Variants in RETSAT observed in about 807,000 individuals in gnomAD.
RETSAT encodes all-trans-retinol 13,14-reductase.
Under a neutral mutation model 61.6 loss-of-function variants are expected in RETSAT, and 35 were observed. That is an observed-to-expected ratio of 0.57 (90% confidence interval 0.43 to 0.75). The LOEUF (loss-of-function observed/expected upper bound fraction) is 0.75. Ranked by LOEUF, RETSAT falls within the 30% of genes least tolerant of loss-of-function variation. The pLI, the probability that RETSAT is intolerant of heterozygous loss-of-function variation, is 0.00. For synonymous variants in RETSAT, 277 were observed against 310.4 expected (o/e 0.89, Z 1.13); for missense variants, 670 against 759.5 (o/e 0.88, Z 1.38).
At chr2:85,351,641 T>A in intron 2 of RETSAT, 39 bp downstream of exon 2, 1 of 1,589,302 alleles carries the variant, frequency 6.3e-7, no homozygotes, top group Non-Finnish European at 8.6e-7. Flanking sequence ...CTCTTCAACA[T>A]ACAGCCATGC....
chr2:85,350,183 A>G lies in RETSAT; in HGVS notation c.656T>C (p.Val219Ala), dbSNP rs1181665445. 6.2e-7 allele frequency: 1 copy of G among 1,614,014 alleles called. No homozygotes were observed. The highest frequency in any genetic ancestry group is 1.3e-5 in the African/African-American group (1 of 75,010). The change falls in exon 4 of 11, where the codon GTT becomes GCT. Residue 219 changes from valine to alanine, a missense_variant. Transcript: ENST00000295802. Reference protein sequence around the residue: ...ILLKFLPLPVVQLLDRCGLLT... With the variant: ...ILLKFLPLPVAQLLDRCGLLT... ...CAGCCCACACCTGTCGAGGAGCTGA[A>G]CCACGGGCAATGGGAGGAATTTCAA... is the stretch of plus-strand genomic sequence containing the variant.
chr2:85,351,324 G>A lies in RETSAT; in HGVS notation c.356-303C>T, dbSNP rs902060596. 9.6e-5 allele frequency: 44 copies of A among 458,562 alleles called. 1 individual carries two copies. Among genetic ancestry groups the A allele is most frequent in the South Asian group, 1.8e-4 (7 of 39,284 alleles). 28.4% of individuals were successfully genotyped at this position (458,562 alleles called of 1,614,324 possible). On this transcript the variant is annotated intron_variant, in intron 2 of 10. Coordinates refer to ENST00000295802, the MANE Select transcript of RETSAT (RefSeq NM_017750.4). The stretch of plus-strand genomic sequence containing the variant: ...GTGGATCACTTGAGGTCAGGAGTTC[G>A]AGACCAGCCTGGACAACATGGAGAA...
chr2:85,348,628 C>CT (rs1316613880), intron 5 of RETSAT, among the ~76,000 whole-genome samples: 1 of 77,760 alleles, frequency 1.3e-5, no homozygotes, highest in Non-Finnish European at 2.3e-5. Flanking sequence ...GAGACTCCAA[C>CT]TCAAAAAAAA....
At position 85,343,153 on chromosome 2, in the gene RETSAT, C is replaced by T; in HGVS notation, c.*89G>A. On this transcript the variant is annotated 3_prime_UTR_variant, in exon 11 of 11. Coordinates refer to ENST00000295802, the MANE Select transcript of RETSAT (RefSeq NM_017750.4). ...ACCAAATTAGAGTGCTTTATACGTGCAAGGAACTAATGCAGAAAGACATTA... is the reference window on the plus strand; with the variant it reads ...ACCAAATTAGAGTGCTTTATACGTGTAAGGAACTAATGCAGAAAGACATTA... The T allele has an allele frequency of 6.4e-7, 1 of 1,552,242 alleles. No individual in the cohort carries two copies. The highest frequency in any genetic ancestry group is 1.2e-5 in the South Asian group (1 of 83,180).
At chr2:85,344,559 C>G in intron 7 of RETSAT, 35 bp downstream of exon 7, 1 of 1,607,076 alleles carries the variant, frequency 6.2e-7, no homozygotes, top group Admixed American at 1.7e-5. Flanking sequence ...CAGGGAGGCA[C>G]GGGCCACACA....
chr2:85,351,301 G>A (rs1221187820), intron 2 of RETSAT: 3 of 484,194 alleles, frequency 6.2e-6, no homozygotes. Context: ...AGAGGGAGGT[G>A]GATCACTTGA....
In RETSAT at chr2:85,346,034, T is replaced by C. The variant is rs745909771; in HGVS notation, c.1058A>G (p.Asn353Ser). Residue 353 changes from asparagine to serine, a missense_variant, in exon 6 of 11, where the codon AAC (asparagine) becomes AGC (serine). Coordinates refer to ENST00000295802, the MANE Select transcript of RETSAT (RefSeq NM_017750.4). Reference protein sequence around the residue: ...VNIYCPIVVSNAGLFNTYEHL... With the variant: ...VNIYCPIVVSSAGLFNTYEHL... ...TTCATAGGTGTTGAACAGTCCTGCG[T>C]TGGAGACCACGATGGGGCAATAGAT... 1.2e-5 allele frequency: 19 copies of C among 1,614,056 alleles called. No individual in the cohort carries two copies. The highest frequency in any genetic ancestry group is 1.1e-4 in the African/African-American group (8 of 74,932).
chr2:85,349,057 G>T (rs1208821452), intron 5 of RETSAT, among the ~76,000 whole-genome samples: 74 of 133,320 alleles, frequency 5.6e-4, no homozygotes, highest in South Asian at 2.5e-3. Context: ...CCATATTTTT[G>T]TTTTTTTTTT....
At position 85,343,228 on chromosome 2, in the gene RETSAT, C is replaced by T. The variant is rs1415624992; in HGVS notation, c.*14G>A. On this transcript the variant is annotated 3_prime_UTR_variant, in exon 11 of 11. Transcript: ENST00000295802. ...AGCCATTGGGCAAATTCCTCTGACT[C>T]CTCCCTGATGGAACTAATTCTTTTT... 1.9e-6 allele frequency: 3 copies of T among 1,612,828 alleles called. No homozygotes were observed. The highest frequency in any genetic ancestry group is 1.3e-5 in the African/African-American group (1 of 74,932).
At chr2:85,349,961 G>T in intron 4 of RETSAT, 79 bp downstream of exon 4, 3 of 1,400,828 alleles carry the variant, frequency 2.1e-6, no homozygotes, top group South Asian at 1.2e-5. Context: ...GCCAGGCAGG[G>T]TCGAGAAGAA....
rs200874352 is a variant in RETSAT, at chr2:85,345,972, T to C, written c.1117+3A>G. 1 of 1,614,170 alleles carries C rather than the reference T, an allele frequency of 6.2e-7. No homozygotes were observed. ...AGAGGGGCAGTGCAGACCCGCCTTTTACCTGGCAGGCAGCGGGCGTTCCCC... is the reference window on the plus strand; with the variant it reads ...AGAGGGGCAGTGCAGACCCGCCTTTCACCTGGCAGGCAGCGGGCGTTCCCC... On this transcript the variant is annotated splice_donor_region_variant and intron_variant, in intron 6 of 10. Transcript: ENST00000295802.
intron 6 of RETSAT, chr2:85,345,697 G>A (rs891560111): frequency 3.8e-6 from 2 of 526,382 alleles, no homozygotes; most frequent in Admixed American, 2.5e-5. Flanking sequence ...AGGGTGGGAG[G>A]AGCGGAGCTT....
chr2:85,350,160 GC>G lies in RETSAT; in HGVS notation c.678del (p.Leu227CysfsTer2), dbSNP rs1449298927. On this transcript the variant is annotated frameshift_variant, in exon 4 of 11. Coordinates refer to ENST00000295802, the MANE Select transcript of RETSAT (RefSeq NM_017750.4). LOFTEE classifies it high-confidence loss of function. The part of the protein sequence containing the change: ...LPVVQLLDRC[G>X]LLTRFSPFLQ... ...AGGAATGGAGAGAAACGAGTCAGCA[GC>G]CCACACCTGTCGAGGAGCTGAACCA... 6.2e-7 allele frequency: 1 copy of G among 1,613,948 alleles called. No homozygotes were observed. The highest frequency in any genetic ancestry group is 1.1e-5 in the South Asian group (1 of 91,086).
intron 1 of RETSAT, among the ~76,000 whole-genome samples, chr2:85,353,388 C>T (rs1380540358): frequency 6.6e-6 from 1 of 152,198 alleles, no homozygotes; most frequent in East Asian, 1.9e-4. Context: ...GAGCGGAGAT[C>T]GCGCCACTGC....
intron 5 of RETSAT, among the ~76,000 whole-genome samples, chr2:85,347,525 C>T (rs1683222898): frequency 6.6e-6 from 1 of 151,622 alleles, no homozygotes; most frequent in Admixed American, 6.6e-5. Flanking sequence ...CTGCGCCTGG[C>T]CCTGGCTAAT....
chr2:85,347,951 G>T (rs1204560390), intron 5 of RETSAT, among the ~76,000 whole-genome samples: 1 of 152,062 alleles, frequency 6.6e-6, no homozygotes, highest in East Asian at 1.9e-4. Flanking sequence ...CTCCTTGAAA[G>T]GTTCCTCTGA....
At chr2:85,349,772 G>C in intron 4 of RETSAT, 191 bp from the exon 5 acceptor site, 1 of 638,514 alleles carries the variant, frequency 1.6e-6, no homozygotes. Context: ...GGCGCCAGTA[G>C]GAATACCCCC....
Position 85,354,522 on chromosome 2 carries a change from G to C in RETSAT, c.-15C>G, listed in dbSNP as rs1489984479. Reference sequence around the variant, plus strand: ...GGAAGCCACATCACGCCGGCGTCGGGTCGGGTAAATGGGACAGCTCCGACT... The same window carrying C: ...GGAAGCCACATCACGCCGGCGTCGGCTCGGGTAAATGGGACAGCTCCGACT... On this transcript the variant is annotated 5_prime_UTR_variant, in exon 1 of 11. Coordinates refer to ENST00000295802, the MANE Select transcript of RETSAT (RefSeq NM_017750.4). 3.1e-6 allele frequency: 5 copies of C among 1,598,414 alleles called. No homozygotes were observed. In the African/African-American group the frequency reaches 6.7e-5, roughly 21 times the overall value.
rs1223914258 is a variant in RETSAT at position 85,342,511 on chromosome 2, C to T, written c.*731G>A. 1.3e-5 allele frequency: 2 copies of T among 152,248 alleles called. No individual in the cohort carries two copies. Among genetic ancestry groups the T allele is most frequent in the Admixed American group, 1.3e-4 (2 of 15,288 alleles). 9.4% of individuals were successfully genotyped at this position (152,248 alleles called of 1,614,324 possible). A position where few individuals can be genotyped will look rare whatever the true frequency, so the allele number is the denominator to read the frequency against. ...TTGATTGAGGCTCAGGTACTGAGTC[C>T]CTGCTGGCACATTGAGAACCAGCTG... On this transcript the variant is annotated 3_prime_UTR_variant, in exon 11 of 11. Coordinates refer to ENST00000295802, the MANE Select transcript of RETSAT (RefSeq NM_017750.4).
Sources: gnomAD v4.1 joint callset for allele counts (sites outside exome capture counted in the v4.1 genomes callset) on GRCh38, gnomAD v4.1.1 for gene constraint, MANE v1.5 for transcripts, NCBI Gene and HGNC (gene_info 2026-07-23, HGNC 2026-07-21) for gene names.